Variants in NDRG1 observed in about 807,000 individuals in gnomAD.
NDRG1 encodes protein NDRG1.
Under a neutral mutation model 56.9 loss-of-function variants are expected in NDRG1, and 32 were observed. That is an observed-to-expected ratio of 0.56 (90% CI 0.42 to 0.76). The LOEUF (loss-of-function observed/expected upper bound fraction) is 0.76. NDRG1 is among the 30% of genes least tolerant of loss of function. NDRG1 has a pLI of 0.00. For missense variants in NDRG1, 507 were observed against 545.7 expected (o/e 0.93, Z 0.71); for synonymous variants, 211 against 204.1 (o/e 1.03, Z -0.29).
In NDRG1 at chr8:133,293,255, T is replaced by G. The variant is rs956711976; in HGVS notation, c.-19+3879A>C. 2.0e-5 allele frequency among the ~76,000 whole-genome samples: 3 copies of G among 152,254 alleles called. No homozygotes were observed. The East Asian group carries it at 5.8e-4, about 29-fold the overall frequency. ...ATCTAGCCTGCCTCTATCTCCAAGT[T>G]GAAAGATAAAAAGCAAGTGGACACG... On this transcript the variant is annotated intron_variant, in intron 1 of 15. Coordinates refer to ENST00000323851, the MANE Select transcript of NDRG1 (RefSeq NM_006096.4).
intron 3 of NDRG1, chr8:133,264,991 T>C (rs567703767): frequency 6.0e-4 from 224 of 375,474 alleles, no homozygotes; most frequent in Non-Finnish European, 1.1e-3. Context: ...CCTTGCTTCC[T>C]TGCCCTCAGG....
rs916661197 is a variant in NDRG1 at position 133,257,308 on chromosome 8, CACACACACAGAG to C, written c.451-457_451-446del. On this transcript the variant is annotated intron_variant, in intron 7 of 15. Coordinates refer to ENST00000323851, the MANE Select transcript of NDRG1 (RefSeq NM_006096.4). The stretch of plus-strand genomic sequence containing the variant: ...ACACACACACACACACACACACACA[CACACACACAGAG>C]AGAGAGACAGAGTTATGCATCGCTG... Among the ~76,000 whole-genome samples, 109 of 108,584 alleles carry C rather than the reference CACACACACAGAG, an allele frequency of 1.0e-3. No individual in the cohort carries two copies. The South Asian group carries it at 0.017, about 17-fold the overall frequency. 71.2% of individuals were successfully genotyped at this position (108,584 alleles called of 152,430 possible).
At chr8:133,266,586 T>C (rs1856931262) in intron 3 of NDRG1, among the ~76,000 whole-genome samples, 1 of 152,152 alleles carries the variant, frequency 6.6e-6, no homozygotes, top group Non-Finnish European at 1.5e-5. Flanking sequence ...GCTCCATCTG[T>C]GAGTGACCCC....
At chr8:133,254,489 C>T in intron 9 of NDRG1, 50 bp downstream of exon 9, 1 of 1,603,048 alleles carries the variant, frequency 6.2e-7, no homozygotes, top group Non-Finnish European at 8.5e-7. Flanking sequence ...GAGCACCACA[C>T]AATGCCTTGC....
At chr8:133,250,403 T>A in intron 10 of NDRG1, 37 bp downstream of exon 10, 1 of 1,556,744 alleles carries the variant, frequency 6.4e-7, no homozygotes, top group Non-Finnish European at 8.9e-7. Context: ...AGACACCTCA[T>A]AAATAGCAAT....
intron 1 of NDRG1, chr8:133,296,371 C>T (rs1187309377): frequency 9.5e-6 from 4 of 422,404 alleles, no homozygotes; most frequent in Non-Finnish European, 1.9e-5. Context: ...TTCTCCCACG[C>T]CGCCGATGCG....
At chr8:133,263,629 T>G (rs983493290) in intron 4 of NDRG1, among the ~76,000 whole-genome samples, 21 of 152,294 alleles carry the variant, frequency 1.4e-4, no homozygotes, top group Middle Eastern at 3.4e-3. Context: ...AACTGAAGAA[T>G]AGATGGCCGG....
intron 1 of NDRG1, among the ~76,000 whole-genome samples, chr8:133,290,188 C>T (rs569691310): frequency 1.3e-5 from 2 of 152,266 alleles, no homozygotes; most frequent in South Asian, 4.1e-4. Context: ...TCTCCTGGGC[C>T]CCGCCACAAC....
At chr8:133,288,285 G>A (rs1858239077) in intron 1 of NDRG1, 1 of 152,202 alleles carries the variant, frequency 6.6e-6, no homozygotes, top group South Asian at 2.1e-4. Flanking sequence ...ACAGGGGCTG[G>A]AGTGGAGTCA....
At chr8:133,251,216 C>A (rs1357714127) in intron 9 of NDRG1, among the ~76,000 whole-genome samples, 1 of 152,188 alleles carries the variant, frequency 6.6e-6, no homozygotes, top group Non-Finnish European at 1.5e-5. Flanking sequence ...TTGCGACAAA[C>A]AACTTGTTTG....
intron 8 of NDRG1, chr8:133,255,453 A>C (rs1405829972): frequency 2.2e-6 from 1 of 452,016 alleles, no homozygotes; most frequent in Non-Finnish European, 4.5e-6. Context: ...TACTGAAGGG[A>C]ATAGTACAGC....
At chr8:133,249,247 G>C (rs1855873718) in intron 10 of NDRG1, 1 of 235,484 alleles carries the variant, frequency 4.2e-6, no homozygotes, top group African/African-American at 2.2e-5. Context: ...CAAACCCTGT[G>C]GTGGTTTCCC....
intron 15 of NDRG1, chr8:133,240,965 G>C (rs1026118047): frequency 6.6e-6 from 1 of 152,236 alleles, no homozygotes; most frequent in African/African-American, 2.4e-5. Context: ...TCTGTTGGAA[G>C]AGGGCACCTG....
At chr8:133,270,097 C>T (rs948381737) in intron 3 of NDRG1, among the ~76,000 whole-genome samples, 8 of 152,230 alleles carry the variant, frequency 5.3e-5, no homozygotes, top group South Asian at 2.1e-4. Context: ...CCAGCCAGGC[C>T]GCCAATTCCC....
intron 4 of NDRG1, among the ~76,000 whole-genome samples, chr8:133,263,459 T>C (rs1372838250): frequency 1.3e-5 from 2 of 152,214 alleles, no homozygotes; most frequent in Non-Finnish European, 2.9e-5. Flanking sequence ...CTCTATTCCA[T>C]GAAATTTCAA....
chr8:133,262,149 G>C lies in NDRG1; in HGVS notation c.224C>G (p.Pro75Arg). The C allele has an allele frequency of 6.2e-7, 1 of 1,614,076 alleles. No individual in the cohort carries two copies. The highest frequency in any genetic ancestry group is 8.5e-7 in the Non-Finnish European group (1 of 1,180,032). ...IGMNHKTCYN[P>R]LFNYEDMQEI... ...CTGCATGTCCTCGTAGTTGAAGAGG[G>C]GGTTGTAGCAGGTTTTGTCTGAAGA... The change falls in exon 5 of 16, where the codon CCC (proline) becomes CGC (arginine). Residue 75 changes from proline (P) to arginine (R), a missense_variant. Transcript: ENST00000323851.
intron 1 of NDRG1, among the ~76,000 whole-genome samples, chr8:133,290,579 T>A (rs932278566): frequency 2.6e-5 from 4 of 152,086 alleles, no homozygotes; most frequent in Non-Finnish European, 4.4e-5. Context: ...ATATCCACAG[T>A]CCTCACCACC....
chr8:133,259,298 G>T, intron 5 of NDRG1, 68 bp from the exon 6 acceptor site: 1 of 1,501,484 alleles, frequency 6.7e-7, no homozygotes, highest in Non-Finnish European at 9.3e-7. Flanking sequence ...ACAGGGACAC[G>T]CTTGAAGGGT....
At chr8:133,266,002 G>A (rs1364487996) in intron 3 of NDRG1, among the ~76,000 whole-genome samples, 3 of 152,266 alleles carry the variant, frequency 2.0e-5, no homozygotes, top group Non-Finnish European at 2.9e-5. Context: ...TGGGGAGCAG[G>A]AGGCAAGGCC....
Sources: gnomAD v4.1 joint callset for allele counts (sites outside exome capture counted in the v4.1 genomes callset) on GRCh38, gnomAD v4.1.1 for gene constraint, MANE v1.5 for transcripts, NCBI Gene and HGNC (gene_info 2026-07-23, HGNC 2026-07-21) for gene names.